Variants in MPPED2 observed in about 807,000 individuals in gnomAD.
MPPED2 encodes the protein metallophosphoesterase domain containing 2.
MPPED2 carries 5 observed loss-of-function variants against 33.0 expected under a neutral mutation model. The ratio of observed to expected loss-of-function variants is 0.15; its 90% CI spans 0.08 to 0.32. The LOEUF (loss-of-function observed/expected upper bound fraction) is 0.32, where lower values mean the gene tolerates loss of function less well. Among genes scored for constraint, MPPED2 ranks in the 10% least tolerant of loss-of-function variants. MPPED2 has a pLI of 1.00. For synonymous variants in MPPED2, 136 were observed against 141.9 expected (o/e 0.96, Z 0.29); for missense variants, 275 against 372.1 (o/e 0.74, Z 2.15).
At chr11:30,435,596 G>A (rs1949288135) in intron 4 of MPPED2, among the ~76,000 whole-genome samples, 1 of 152,204 alleles carries the variant, frequency 6.6e-6, no homozygotes, top group African/African-American at 2.4e-5. Context: ...TGAAGAGCAG[G>A]AAGTTTTGTG....
intron 2 of MPPED2, among the ~76,000 whole-genome samples, chr11:30,573,463 A>G (rs1285506360): frequency 6.6e-6 from 1 of 152,142 alleles, no homozygotes; most frequent in Admixed American, 6.5e-5. Context: ...GTTAACTAAA[A>G]CCCTGGCTGC....
At chr11:30,430,552 A>G (rs1377395450) in intron 4 of MPPED2, among the ~76,000 whole-genome samples, 4 of 152,222 alleles carry the variant, frequency 2.6e-5, no homozygotes, top group East Asian at 1.9e-4. Flanking sequence ...CAGGCCATAT[A>G]TAATGCTTAT....
intron 3 of MPPED2, among the ~76,000 whole-genome samples, chr11:30,534,657 A>G (rs1404869502): frequency 6.6e-6 from 1 of 152,200 alleles, no homozygotes; most frequent in Non-Finnish European, 1.5e-5. Flanking sequence ...TGCCCTTGAA[A>G]AGCAACATGC....
chr11:30,385,165 A>T (rs1367979400), exon 7 of MPPED2: 1 of 152,220 alleles, frequency 6.6e-6, no homozygotes, highest in Non-Finnish European at 1.5e-5. Context: ...ACAGCCACAG[A>T]CATGGAAGCC....
intron 4 of MPPED2, among the ~76,000 whole-genome samples, chr11:30,460,960 T>G (rs1256604910): frequency 6.6e-6 from 1 of 152,190 alleles, no homozygotes; most frequent in African/African-American, 2.4e-5. Flanking sequence ...CAATAGTCAA[T>G]AGGTGGAAGC....
At chr11:30,429,169 C>T (rs1239878630) in intron 4 of MPPED2, 1 of 152,140 alleles carries the variant, frequency 6.6e-6, no homozygotes, top group East Asian at 1.9e-4. Context: ...TGTCTCCTTA[C>T]CTGTGGAATG....
At chr11:30,446,829 C>G (rs138361298) in intron 4 of MPPED2, among the ~76,000 whole-genome samples, 6 of 152,142 alleles carry the variant, frequency 3.9e-5, no homozygotes, top group Non-Finnish European at 8.8e-5. Context: ...AAGTCCCAGT[C>G]TAAAATGACT....
At chr11:30,389,028 C>T (rs1947737300) in intron 6 of MPPED2, 3 of 1,483,172 alleles carry the variant, frequency 2.0e-6, no homozygotes, top group African/African-American at 1.4e-5. Flanking sequence ...ATTCAGTTTT[C>T]TCTCTGATGG....
chr11:30,524,890 A>G (rs1954082695), intron 3 of MPPED2, among the ~76,000 whole-genome samples: 1 of 152,204 alleles, frequency 6.6e-6, no homozygotes, highest in East Asian at 1.9e-4. Context: ...ATGTCAAAAT[A>G]TCTGGTCTCC....
intron 2 of MPPED2, among the ~76,000 whole-genome samples, chr11:30,576,557 A>C (rs2134873685): frequency 6.6e-6 from 1 of 152,276 alleles, no homozygotes; most frequent in South Asian, 2.1e-4. Context: ...CTACTAATAA[A>C]GTTTTGTAAC....
chr11:30,527,070 C>A (rs964268329), intron 3 of MPPED2, among the ~76,000 whole-genome samples: 1 of 151,748 alleles, frequency 6.6e-6, no homozygotes, highest in South Asian at 2.1e-4. Context: ...GGACTACAGG[C>A]GCCCACCACC....
chr11:30,428,187 T>C (rs1344101098), intron 4 of MPPED2, among the ~76,000 whole-genome samples: 1 of 152,236 alleles, frequency 6.6e-6, no homozygotes, highest in African/African-American at 2.4e-5. Flanking sequence ...GCCACATTAT[T>C]GAGCACCTGC....
At chr11:30,506,936 C>T (rs1952854658) in intron 3 of MPPED2, among the ~76,000 whole-genome samples, 2 of 152,150 alleles carry the variant, frequency 1.3e-5, no homozygotes, top group South Asian at 4.1e-4. Context: ...GTTAACAGCG[C>T]CACTGGGGCT....
At chr11:30,512,999 G>T (rs1467720331) in intron 3 of MPPED2, among the ~76,000 whole-genome samples, 1 of 150,184 alleles carries the variant, frequency 6.7e-6, no homozygotes, top group African/African-American at 2.4e-5. Context: ...AACAGAGGGA[G>T]ACTCTGTCTC....
chr11:30,475,383 G>A (rs899750698), intron 4 of MPPED2, among the ~76,000 whole-genome samples: 1 of 151,986 alleles, frequency 6.6e-6, no homozygotes. Flanking sequence ...GAAGACACAA[G>A]GCCATAATTA....
At chr11:30,413,166 A>G (rs1281100681) in intron 6 of MPPED2, among the ~76,000 whole-genome samples, 2 of 152,200 alleles carry the variant, frequency 1.3e-5, no homozygotes, top group South Asian at 2.1e-4. Context: ...ATGATTTTCA[A>G]TATGCTCTTT....
At chr11:30,548,538 A>G (rs888320119) in intron 2 of MPPED2, among the ~76,000 whole-genome samples, 9 of 152,310 alleles carry the variant, frequency 5.9e-5, no homozygotes, top group Non-Finnish European at 1.3e-4. Flanking sequence ...TATTGCTTGT[A>G]AAGGGCCCAG....
At chr11:30,447,420 G>C (rs1949859636) in intron 4 of MPPED2, among the ~76,000 whole-genome samples, 1 of 152,210 alleles carries the variant, frequency 6.6e-6, no homozygotes. Flanking sequence ...GGAGGAGCAT[G>C]TTAATAGGAC....
intron 2 of MPPED2, among the ~76,000 whole-genome samples, chr11:30,550,104 G>T: frequency 6.6e-6 from 1 of 152,186 alleles, no homozygotes; most frequent in Non-Finnish European, 1.5e-5. Context: ...TCCATTGTAG[G>T]AAAGCAGTCC....
Sources: allele counts gnomAD v4.1 joint callset (sites outside exome capture counted in the v4.1 genomes callset), GRCh38; gene constraint gnomAD v4.1.1; transcripts MANE v1.5; gene names NCBI Gene and HGNC (gene_info 2026-07-23, HGNC 2026-07-21).